Variants in ADAM22 observed in about 807,000 individuals in gnomAD.
ADAM22 encodes disintegrin and metalloproteinase domain-containing protein 22.
ADAM22 carries 65 observed loss-of-function variants against 144.6 expected under a neutral mutation model. The ratio of observed to expected loss-of-function variants is 0.45; its 90% CI spans 0.37 to 0.55. The LOEUF is 0.55. Ranked by LOEUF, ADAM22 falls within the 20% of genes least tolerant of loss-of-function variation. The pLI is 0.00. For missense variants in ADAM22, 974 were observed against 1,184.9 expected, an observed-to-expected ratio of 0.82 and a Z score of 2.61; for synonymous variants, 391 against 412.6, an observed-to-expected ratio of 0.95 and a Z score of 0.63.
chr7:88,184,816 C>G (rs1017780435), intron 29 of ADAM22, among the ~76,000 whole-genome samples: 5 of 152,194 alleles, frequency 3.3e-5, no homozygotes, highest in Admixed American at 6.5e-5. Flanking sequence ...CCACAGCCTT[C>G]TGAAATGCTC....
intron 30 of ADAM22, 123 bp from the exon 31 acceptor site, chr7:88,192,993 A>T: frequency 8.6e-7 from 1 of 1,162,004 alleles, no homozygotes; most frequent in Non-Finnish European, 1.2e-6. Context: ...CCAGTAGTTA[A>T]ATCTTTGCAG....
intron 4 of ADAM22, among the ~76,000 whole-genome samples, chr7:88,077,961 T>A (rs929916189): frequency 2.0e-5 from 3 of 152,148 alleles, no homozygotes; most frequent in African/African-American, 7.2e-5. Context: ...TCTGCAGACT[T>A]AAATGTCCCT....
intron 3 of ADAM22, among the ~76,000 whole-genome samples, chr7:88,031,696 GA>G (rs1800297582): frequency 6.6e-6 from 1 of 152,226 alleles, no homozygotes; most frequent in South Asian, 2.1e-4. Context: ...AGCATGCCTG[GA>G]AGGTGTTTCA....
intron 4 of ADAM22, among the ~76,000 whole-genome samples, chr7:88,077,059 A>G (rs1814733341): frequency 6.6e-6 from 1 of 152,310 alleles, no homozygotes; most frequent in African/African-American, 2.4e-5. Flanking sequence ...ATACATAGAT[A>G]TTTATATAGT....
At chr7:88,125,144 T>G (rs1025324833) in intron 7 of ADAM22, among the ~76,000 whole-genome samples, 2 of 152,036 alleles carry the variant, frequency 1.3e-5, no homozygotes, top group Non-Finnish European at 2.9e-5. Flanking sequence ...ATAAATTAAT[T>G]GGAAAAAATT....
At chr7:88,159,558 A>G (rs1288865179) in intron 22 of ADAM22, among the ~76,000 whole-genome samples, 1 of 152,186 alleles carries the variant, frequency 6.6e-6, no homozygotes. Flanking sequence ...CATATCCACC[A>G]TAATCAGGTA....
chr7:88,110,720 TGTTC>T (rs1825790831), intron 5 of ADAM22, among the ~76,000 whole-genome samples: 1 of 143,518 alleles, frequency 7.0e-6, no homozygotes. Flanking sequence ...TTCGTTCATT[TGTTC>T]GTTCGTTCAT....
chr7:88,186,574 T>C (rs756114474), intron 29 of ADAM22, 41 bp from the exon 30 acceptor site: 1 of 1,311,100 alleles, frequency 7.6e-7, no homozygotes, highest in Admixed American at 1.7e-5. Context: ...AGATTTTCTA[T>C]CTTGTTCTGC....
chr7:88,128,754 C>G, intron 9 of ADAM22, 78 bp downstream of exon 9: 1 of 1,159,674 alleles, frequency 8.6e-7, no homozygotes, highest in Non-Finnish European at 1.3e-6. Flanking sequence ...TTAGAAAAAA[C>G]AAGAAGCCCA....
At chr7:88,108,299 A>T in intron 5 of ADAM22, 41 bp downstream of exon 5, 1 of 1,536,862 alleles carries the variant, frequency 6.5e-7, no homozygotes, top group Non-Finnish European at 9.0e-7. Context: ...TGTTTTTTCA[A>T]TAATTTATTT....
intron 4 of ADAM22, among the ~76,000 whole-genome samples, chr7:88,096,134 A>T (rs1942604730): frequency 6.6e-6 from 1 of 151,874 alleles, no homozygotes; most frequent in African/African-American, 2.4e-5. Context: ...TGTTTCCCAG[A>T]CTGGTCTCGA....
intron 3 of ADAM22, among the ~76,000 whole-genome samples, chr7:88,053,887 T>G (rs769261419): frequency 2.0e-5 from 3 of 152,160 alleles, no homozygotes; most frequent in Non-Finnish European, 4.4e-5. Flanking sequence ...TCGCAGCACT[T>G]TGGGAGGCTG....
intron 2 of ADAM22, among the ~76,000 whole-genome samples, chr7:87,953,032 T>TTTC: frequency 6.6e-6 from 1 of 152,088 alleles, no homozygotes; most frequent in East Asian, 1.9e-4. Context: ...TTCATCTCTT[T>TTTC]TTCTTTATTA....
At chr7:88,045,551 G>A (rs1384849020) in intron 3 of ADAM22, among the ~76,000 whole-genome samples, 1 of 152,074 alleles carries the variant, frequency 6.6e-6, no homozygotes, top group East Asian at 1.9e-4. Context: ...TTTTTATGGT[G>A]AGAACATTTC....
chr7:88,073,356 A>T (rs1279764461), intron 3 of ADAM22, among the ~76,000 whole-genome samples: 1 of 152,204 alleles, frequency 6.6e-6, no homozygotes, highest in Admixed American at 6.5e-5. Context: ...GGGTCATGAG[A>T]GGAGCCAGTT....
At position 87,966,735 on chromosome 7, in the gene ADAM22, T is replaced by TTG. The variant is rs1562874346; in HGVS notation, c.247-11600_247-11599insGT. On this transcript the variant is annotated intron_variant, in intron 2 of 31. Coordinates refer to ENST00000413139, the MANE Select transcript of ADAM22 (RefSeq NM_001324418.2). ...CAAGGAAAGCCGTTTTTTTTTTTTT[T>TTG]TTTTTTTTTTTTTTTTTGTGGCATG... 3.1e-4 allele frequency among the ~76,000 whole-genome samples: 42 copies of TTG among 135,860 alleles called. 2 individuals carry two copies. Among genetic ancestry groups the TTG allele is most frequent in the African/African-American group, 1.2e-3 (41 of 34,714 alleles). 89.1% of individuals were successfully genotyped at this position (135,860 alleles called of 152,430 possible).
chr7:88,016,125 A>G (rs988127416), intron 3 of ADAM22, among the ~76,000 whole-genome samples: 4 of 152,180 alleles, frequency 2.6e-5, no homozygotes, highest in African/African-American at 7.2e-5. Context: ...AATAAGTCAG[A>G]CTTGCTAGTG....
At chr7:87,974,939 C>G (rs1481026566) in intron 2 of ADAM22, among the ~76,000 whole-genome samples, 1 of 152,108 alleles carries the variant, frequency 6.6e-6, no homozygotes, top group Non-Finnish European at 1.5e-5. Context: ...TGGTTTTAAC[C>G]CTGTTGCCTT....
At chr7:88,090,606 AT>A (rs1819605213) in intron 4 of ADAM22, among the ~76,000 whole-genome samples, 1 of 152,138 alleles carries the variant, frequency 6.6e-6, no homozygotes, top group Non-Finnish European at 1.5e-5. Context: ...ACATTATTAT[AT>A]TTTAATGACT....
Sources: allele counts gnomAD v4.1 joint callset (sites outside exome capture counted in the v4.1 genomes callset), GRCh38; gene constraint gnomAD v4.1.1; transcripts MANE v1.5; gene names NCBI Gene and HGNC (gene_info 2026-07-23, HGNC 2026-07-21).